The following EDNRB variants were observed in gnomAD, a reference collection of about 807,000 sequenced individuals.
The protein encoded by EDNRB is endothelin receptor type B, also known as Hirschsprung disease 2.
EDNRB carries 18 observed loss-of-function variants against 46.4 expected under a neutral mutation model. The ratio of observed to expected loss-of-function variants is 0.39; its 90% CI spans 0.27 to 0.57. The LOEUF (loss-of-function observed/expected upper bound fraction) is 0.57. Ranked by LOEUF, EDNRB falls within the 20% of genes least tolerant of loss-of-function variation. The pLI, the probability that EDNRB is intolerant of heterozygous loss-of-function variation, is 0.61. For missense variants in EDNRB, 434 were observed against 537.5 expected, an observed-to-expected ratio of 0.81 and a Z score of 1.90; for synonymous variants, 213 against 204.9, an observed-to-expected ratio of 1.04 and a Z score of -0.34.
intron 1 of EDNRB, among the ~76,000 whole-genome samples, chr13:77,958,068 A>G (rs1881291775): frequency 6.6e-6 from 1 of 152,234 alleles, no homozygotes; most frequent in African/African-American, 2.4e-5. Flanking sequence ...TTTTGGACCA[A>G]TGAGGAAGTG....
Position 77,918,159 on chromosome 13 carries a change from A to C in EDNRB, c.415T>G (p.Leu139Val), listed in dbSNP as rs143042375. 7 of 1,614,060 alleles carry C rather than the reference A, an allele frequency of 4.3e-6. No homozygotes were observed. Among genetic ancestry groups the C allele is most frequent in the Non-Finnish European group, 4.2e-6 (5 of 1,180,040 alleles). The change falls in exon 1 of 7, where the codon TTG (leucine) becomes GTG (valine). Residue 139 changes from leucine (L) to valine (V), a missense_variant. Leu to Val is a conservative substitution (Grantham distance 32). Transcript: ENST00000646607. The surrounding 1 kb of genome is among the most constrained non-coding windows in gnomAD (Gnocchi z 4.5). ...TCTCCCAGAGCCAAGCTGGCGATCAAGATATTGGGACCGTTTCGCATGCAC... is the reference window on the plus strand; with the variant it reads ...TCTCCCAGAGCCAAGCTGGCGATCACGATATTGGGACCGTTTCGCATGCAC... Reference protein sequence around the residue: ...NKCMRNGPNILIASLALGDLL... With the variant: ...NKCMRNGPNIVIASLALGDLL...
intron 1 of EDNRB, among the ~76,000 whole-genome samples, chr13:77,962,681 A>T (rs1480212640): frequency 6.6e-6 from 1 of 152,180 alleles, no homozygotes; most frequent in Non-Finnish European, 1.5e-5. Flanking sequence ...ATGGGCAAAA[A>T]ACTGGAAGCA....
At chr13:77,924,980 G>A (rs1448175507) in intron 1 of EDNRB, among the ~76,000 whole-genome samples, 2 of 152,126 alleles carry the variant, frequency 1.3e-5, no homozygotes, top group Non-Finnish European at 2.9e-5. Context: ...TCTTTCTTTT[G>A]TAAATTACCC....
intron 1 of EDNRB, among the ~76,000 whole-genome samples, chr13:77,916,514 G>A (rs1594371839): frequency 6.6e-6 from 1 of 152,104 alleles, no homozygotes; most frequent in South Asian, 2.1e-4. Flanking sequence ...CCCCATTTCC[G>A]GGGGTGATTC....
At chr13:77,945,070 C>T (rs117616227) in intron 1 of EDNRB, among the ~76,000 whole-genome samples, 2,175 of 152,042 alleles carry the variant, frequency 0.014, 46 homozygotes, top group East Asian at 0.024. Flanking sequence ...ACTCAATGCC[C>T]TTTATGTTAC....
chr13:77,927,478 G>A (rs17068573), intron 1 of EDNRB, among the ~76,000 whole-genome samples: 31,003 of 152,158 alleles, frequency 0.2, 3,715 homozygotes, highest in East Asian at 0.53. Flanking sequence ...ACAAATTTCC[G>A]CTTTTTGACA....
intron 1 of EDNRB, among the ~76,000 whole-genome samples, chr13:77,906,151 T>C (rs981011006): frequency 6.6e-6 from 1 of 151,828 alleles, no homozygotes; most frequent in African/African-American, 2.4e-5. Flanking sequence ...GGACACATGA[T>C]GTTGGAAGTC....
Position 77,968,127 on chromosome 13 carries a change from A to G in EDNRB, c.-52+7220T>C, listed in dbSNP as rs114328277. 5.9e-3 allele frequency among the ~76,000 whole-genome samples: 905 copies of G among 152,332 alleles called. 8 individuals are homozygous for G. The highest frequency in any genetic ancestry group is 0.02 in the African/African-American group (849 of 41,594). ...TTTTTATCAATGAAAATCATGAAAT[A>G]TAAATAGAATTTTCTCCCATATATT... On this transcript the variant is annotated intron_variant, in intron 1 of 7. Transcript: ENST00000646948.
At chr13:77,915,989 T>C (rs1879789440) in intron 1 of EDNRB, among the ~76,000 whole-genome samples, 1 of 152,210 alleles carries the variant, frequency 6.6e-6, no homozygotes, top group South Asian at 2.1e-4. Flanking sequence ...CAAATACTCA[T>C]TTAACCAGAC....
At chr13:77,939,048 G>A (rs1042434581) in intron 1 of EDNRB, 1 of 152,256 alleles carries the variant, frequency 6.6e-6, no homozygotes, top group African/African-American at 2.4e-5. Flanking sequence ...TAATCACCTG[G>A]GTGCAGGTGG....
rs6145134 is a variant in EDNRB, at chr13:77,940,700, G to GGTGTGT, written c.-51-22082_-51-22077dup. On this transcript the variant is annotated intron_variant, in intron 1 of 7. Transcript: ENST00000646948. ...TCAAAGCCAAGGAAAAGATGAATTG[G>GGTGTGT]GTGTGTGTGTGTGTGTGTGTGTGTG... Among the ~76,000 whole-genome samples the GGTGTGT allele has an allele frequency of 9.0e-3, 1,339 of 149,164 alleles. 16 individuals are homozygous for GGTGTGT. Among genetic ancestry groups the GGTGTGT allele is most frequent in the African/African-American group, 0.03 (1,211 of 40,468 alleles).
At chr13:77,964,807 TA>T (rs79034855) in intron 1 of EDNRB, among the ~76,000 whole-genome samples, 2,420 of 144,508 alleles carry the variant, frequency 0.017, 30 homozygotes, top group Non-Finnish European at 0.025. Flanking sequence ...GAAAACTATA[TA>T]AAAAAAAAAA....
chr13:77,915,259 A>G (rs1030143720), intron 1 of EDNRB, among the ~76,000 whole-genome samples: 2 of 152,202 alleles, frequency 1.3e-5, no homozygotes, highest in African/African-American at 2.4e-5. Flanking sequence ...ACTTCCACTG[A>G]TATTACACAC....
At chr13:77,972,827 G>A (rs947593955) in intron 1 of EDNRB, among the ~76,000 whole-genome samples, 4 of 152,210 alleles carry the variant, frequency 2.6e-5, no homozygotes, top group Non-Finnish European at 5.9e-5. Flanking sequence ...GCTTTAGCTT[G>A]GTAGGGTTTT....
At position 77,918,177 on chromosome 13, in the gene EDNRB, G is replaced by A; in HGVS notation, c.397C>T (p.Arg133Ter). Reference protein sequence around the residue: ...LRIIYKNKCMRNGPNILIASL... With the variant: ...LRIIYKNKCM The stretch of plus-strand genomic sequence containing the variant: ...GCGATCAAGATATTGGGACCGTTTC[G>A]CATGCACTTGTTCTTGTAGATAATT... The change falls in exon 1 of 7, where the codon CGA (arginine) becomes TGA (stop). Residue 133 changes from arginine to a stop codon, truncating the protein, a stop_gained. Coordinates refer to ENST00000646607, the MANE Select transcript of EDNRB (RefSeq NM_001122659.3). LOFTEE classifies it high-confidence loss of function. This position sits in a 1 kb window ranked among gnomAD's most constrained non-coding sequence, Gnocchi z 4.5. 6.2e-7 allele frequency: 1 copy of A among 1,614,128 alleles called. No individual in the cohort carries two copies. The highest frequency in any genetic ancestry group is 8.5e-7 in the Non-Finnish European group (1 of 1,180,022).
At chr13:77,945,326 C>T (rs1329374075) in intron 1 of EDNRB, among the ~76,000 whole-genome samples, 1 of 152,140 alleles carries the variant, frequency 6.6e-6, no homozygotes, top group African/African-American at 2.4e-5. Context: ...TTTGATTGAA[C>T]AAATAAGTGA....
chr13:77,928,964 G>T (rs1158775453), intron 1 of EDNRB, among the ~76,000 whole-genome samples: 10 of 152,298 alleles, frequency 6.6e-5, no homozygotes, highest in African/African-American at 2.2e-4. Flanking sequence ...ATTAACAAAA[G>T]ATGAAGTGGC....
chr13:77,953,598 C>T (rs900646020), intron 1 of EDNRB, among the ~76,000 whole-genome samples: 3 of 151,946 alleles, frequency 2.0e-5, no homozygotes, highest in African/African-American at 7.3e-5. Context: ...CTGGACTAAA[C>T]GATGGAAAAC....
At chr13:77,954,338 T>C (rs1881173711) in intron 1 of EDNRB, among the ~76,000 whole-genome samples, 1 of 152,120 alleles carries the variant, frequency 6.6e-6, no homozygotes, top group Non-Finnish European at 1.5e-5. Flanking sequence ...TTCTATACCA[T>C]TGGCTATTTT....
Sources: allele counts gnomAD v4.1 joint callset (sites outside exome capture counted in the v4.1 genomes callset), GRCh38; gene constraint gnomAD v4.1.1; non-coding constraint Gnocchi (gnomAD v3.1); transcripts MANE v1.5; gene names NCBI Gene and HGNC (gene_info 2026-07-23, HGNC 2026-07-21).